Variants in FAM107B observed in about 807,000 individuals in gnomAD.
The protein encoded by FAM107B is protein FAM107B.
A neutral mutation model predicts 31.5 loss-of-function variants in FAM107B; 21 were observed. The ratio of observed to expected loss-of-function variants is 0.67; its 90% CI spans 0.47 to 0.96. The LOEUF is 0.96. Ranked by LOEUF, FAM107B falls within the 40% of genes least tolerant of loss-of-function variation. The probability of loss-of-function intolerance (pLI) is 0.00; values close to 1 mark genes in which losing one functional copy is unlikely to be tolerated. For synonymous variants in FAM107B, 157 were observed against 141.5 expected (o/e 1.11, Z -0.78); for missense variants, 452 against 377.1 (o/e 1.20, Z -1.64).
chr10:14,740,333 T>G (rs1417781986), intron 1 of FAM107B, among the ~76,000 whole-genome samples: 1 of 152,206 alleles, frequency 6.6e-6, no homozygotes, highest in Non-Finnish European at 1.5e-5. Context: ...AAATGCATAT[T>G]GCTAAGTGAA....
At chr10:14,748,209 T>A (rs906784869) in intron 1 of FAM107B, among the ~76,000 whole-genome samples, 2 of 152,190 alleles carry the variant, frequency 1.3e-5, no homozygotes, top group African/African-American at 4.8e-5. Flanking sequence ...TCAGAAGTAA[T>A]CACAGTGCCT....
At chr10:14,526,534 A>G (rs1355911259) in intron 3 of FAM107B, among the ~76,000 whole-genome samples, 1 of 152,166 alleles carries the variant, frequency 6.6e-6, no homozygotes, top group Non-Finnish European at 1.5e-5. Flanking sequence ...CCTCATTTAC[A>G]TTTCTGGTTT....
intron 1 of FAM107B, among the ~76,000 whole-genome samples, chr10:14,703,981 A>C (rs1855462622): frequency 6.6e-6 from 1 of 152,222 alleles, no homozygotes; most frequent in South Asian, 2.1e-4. Flanking sequence ...AAAAATGCTA[A>C]AATGTTTGGA....
intron 1 of FAM107B, among the ~76,000 whole-genome samples, chr10:14,704,324 T>C (rs539374208): frequency 1.3e-5 from 2 of 150,184 alleles, no homozygotes; most frequent in South Asian, 4.2e-4. Context: ...ATAAATACAA[T>C]AAATGAGTCA....
rs372414923 is a variant in FAM107B, at chr10:14,578,851, G to A, written c.470-48336C>T. On this transcript the variant is annotated intron_variant, in intron 2 of 4. Coordinates refer to ENST00000181796, the MANE Select transcript of FAM107B (RefSeq NM_031453.4). ...ACGATCAAATTTTAATCTAAAGAAT[G>A]CCGCAAGTTAGCTCACCTGTGGTTT... Among the ~76,000 whole-genome samples the A allele has an allele frequency of 1.5e-4, 23 of 152,294 alleles. No individual in the cohort carries two copies. In the East Asian group the frequency reaches 2.3e-3, roughly 15 times the overall value.
chr10:14,573,272 A>G (rs770856847), intron 2 of FAM107B, among the ~76,000 whole-genome samples: 15 of 152,142 alleles, frequency 9.9e-5, no homozygotes, highest in Non-Finnish European at 1.8e-4. Flanking sequence ...CACCTCATGA[A>G]TGGATTAATG....
intron 1 of FAM107B, among the ~76,000 whole-genome samples, chr10:14,705,094 A>G (rs1481991067): frequency 6.6e-6 from 1 of 151,952 alleles, no homozygotes; most frequent in African/African-American, 2.4e-5. Context: ...CACAAATGCC[A>G]ATAAGCTCAT....
intron 1 of FAM107B, among the ~76,000 whole-genome samples, chr10:14,696,861 G>A (rs1369399660): frequency 3.3e-5 from 5 of 152,112 alleles, no homozygotes; most frequent in Non-Finnish European, 7.3e-5. Context: ...CTGTGCCCAG[G>A]GACACTGTGG....
chr10:14,680,395 G>A (rs57646590), intron 1 of FAM107B, among the ~76,000 whole-genome samples: 88 of 152,042 alleles, frequency 5.8e-4, no homozygotes, highest in East Asian at 3.5e-3. Flanking sequence ...CCAACATGGC[G>A]AAACCTCATC....
At chr10:14,627,452 C>T (rs1853194141) in intron 2 of FAM107B, among the ~76,000 whole-genome samples, 1 of 152,124 alleles carries the variant, frequency 6.6e-6, no homozygotes, top group Admixed American at 6.6e-5. Flanking sequence ...AGCAGCTCTG[C>T]TAGACAGGAA....
chr10:14,677,135 C>G (rs1199158423), intron 1 of FAM107B, among the ~76,000 whole-genome samples: 1 of 152,182 alleles, frequency 6.6e-6, no homozygotes, highest in Non-Finnish European at 1.5e-5. Context: ...GGAGCATTCC[C>G]TAATCAACAT....
chr10:14,557,414 C>G (rs1298531666), intron 2 of FAM107B, among the ~76,000 whole-genome samples: 1 of 152,206 alleles, frequency 6.6e-6, no homozygotes, highest in African/African-American at 2.4e-5. Context: ...TTGTACTAAA[C>G]TGGTCACAGT....
chr10:14,606,824 G>C (rs111373626), intron 2 of FAM107B, among the ~76,000 whole-genome samples: 6,962 of 152,214 alleles, frequency 0.046, 242 homozygotes, highest in Non-Finnish European at 0.068. Flanking sequence ...GGCCTCACCA[G>C]AAACCAACCC....
At chr10:14,684,423 G>C (rs1854923314) in intron 1 of FAM107B, among the ~76,000 whole-genome samples, 1 of 152,180 alleles carries the variant, frequency 6.6e-6, no homozygotes, top group South Asian at 2.1e-4. Flanking sequence ...CAGCACTCCA[G>C]CCTGGGTGAC....
chr10:14,572,739 T>TTTATATATATATATATATATATA (rs1325278545), intron 2 of FAM107B, among the ~76,000 whole-genome samples: 8 of 91,988 alleles, frequency 8.7e-5, no homozygotes, highest in South Asian at 3.8e-4. Flanking sequence ...AAAAAAAAAT[T>TTTATATATATATATATATATATA]TATATATATA....
intron 1 of FAM107B, among the ~76,000 whole-genome samples, chr10:14,695,749 A>T (rs982707889): frequency 3.9e-5 from 6 of 152,204 alleles, no homozygotes; most frequent in African/African-American, 1.2e-4. Context: ...TTATCATAGA[A>T]AAGATTGTTT....
chr10:14,682,719 C>T (rs1418255572), intron 1 of FAM107B, among the ~76,000 whole-genome samples: 1 of 151,852 alleles, frequency 6.6e-6, no homozygotes, highest in Non-Finnish European at 1.5e-5. Flanking sequence ...GGGAGGGGAA[C>T]ATCACACAGC....
At chr10:14,634,201 C>T (rs1297582272) in intron 2 of FAM107B, among the ~76,000 whole-genome samples, 2 of 152,068 alleles carry the variant, frequency 1.3e-5, no homozygotes, top group Admixed American at 6.5e-5. Flanking sequence ...TTGAGACCAT[C>T]CTGGCTAACA....
chr10:14,629,238 A>C, intron 2 of FAM107B, among the ~76,000 whole-genome samples: 1 of 94,472 alleles, frequency 1.1e-5, no homozygotes, highest in South Asian at 4.1e-4. Context: ...TGTTATAAAA[A>C]TATAAATTAC....
Sources: allele counts gnomAD v4.1 joint callset (sites outside exome capture counted in the v4.1 genomes callset), GRCh38; gene constraint gnomAD v4.1.1; transcripts MANE v1.5; gene names NCBI Gene and HGNC (gene_info 2026-07-23, HGNC 2026-07-21).